Variants in UPF3B observed in about 807,000 individuals in gnomAD.
The protein encoded by UPF3B is regulator of nonsense transcripts 3B.
A neutral mutation model predicts 40.3 loss-of-function variants in UPF3B; 7 were observed. That is an observed-to-expected ratio of 0.17 (90% CI 0.10 to 0.33). The LOEUF is 0.33. Ranked by LOEUF, UPF3B falls within the 10% of genes least tolerant of loss-of-function variation. The probability of loss-of-function intolerance (pLI) is 1.00; values close to 1 mark genes in which losing one functional copy is unlikely to be tolerated. For missense variants in UPF3B, 229 were observed against 358.9 expected, an observed-to-expected ratio of 0.64 and a Z score of 2.93; for synonymous variants, 117 against 117.3, an observed-to-expected ratio of 1.00 and a Z score of 0.01.
At chrX:119,837,285 A>G (rs1416127856) in intron 10 of UPF3B, among the ~76,000 whole-genome samples, 2 of 109,103 alleles carry the variant, frequency 1.8e-5, no homozygotes, top group African/African-American at 6.7e-5. Flanking sequence ...TATGTTTACA[A>G]TTTCTATAGT....
intron 5 of UPF3B, among the ~76,000 whole-genome samples, chrX:119,808,069 G>A (rs1037548471): frequency 9.8e-5 from 11 of 112,048 alleles, no homozygotes; most frequent in Admixed American, 3.8e-4. Context: ...GCTAGGAGAC[G>A]GGGTTTCGCC....
chrX:119,819,603 C>T (rs2055893973), intron 4 of UPF3B, among the ~76,000 whole-genome samples: 1 of 111,196 alleles, frequency 9.0e-6, no homozygotes, highest in South Asian at 3.8e-4. Flanking sequence ...CATTTCTCTT[C>T]AGTTAATAAT....
intron 4 of UPF3B, chrX:119,822,799 G>C (rs1270833715): frequency 6.0e-6 from 1 of 167,731 alleles, no homozygotes; most frequent in Non-Finnish European, 9.9e-6. Context: ...GTAGAGACTG[G>C]GTTTCACCAT....
intron 5 of UPF3B, 103 bp from the exon 6 acceptor site, chrX:119,841,881 C>T (rs1200244318): frequency 1.6e-6 from 1 of 617,861 alleles, no homozygotes; most frequent in African/African-American, 2.2e-5. Flanking sequence ...AAAACATGTA[C>T]ACCCCTTATG....
At chrX:119,837,615 CAAAAAAAA>C (rs34350340) in intron 10 of UPF3B, 134 bp downstream of exon 10, 1 of 402,256 alleles carries the variant, frequency 2.5e-6, no homozygotes, top group African/African-American at 4.1e-5. Context: ...GACTCTGTCT[CAAAAAAAA>C]AAAAAAAAAA....
chrX:119,831,319 CTTTT>C (rs1171859009), downstream of UPF3B, among the ~76,000 whole-genome samples: 2 of 106,577 alleles, frequency 1.9e-5, no homozygotes, highest in African/African-American at 3.6e-5. Context: ...TCTCCTCCTC[CTTTT>C]TTTGTTTTTT....
intron 3 of UPF3B, among the ~76,000 whole-genome samples, chrX:119,826,728 CTT>C (rs2055982270): frequency 8.9e-6 from 1 of 111,993 alleles, no homozygotes; most frequent in South Asian, 3.7e-4. Context: ...ACAGCAATGA[CTT>C]TTGCTCCAAC....
intron 5 of UPF3B, among the ~76,000 whole-genome samples, chrX:119,813,959 T>C (rs987957736): frequency 1.8e-5 from 2 of 111,859 alleles, no homozygotes; most frequent in African/African-American, 6.5e-5. Flanking sequence ...CTGATCGTTC[T>C]CTGGTGGACA....
intron 8 of UPF3B, 30 bp from the exon 9 acceptor site, chrX:119,838,557 T>G (rs2056127927): frequency 8.4e-7 from 1 of 1,193,425 alleles, no homozygotes; most frequent in African/African-American, 1.7e-5. Flanking sequence ...ATTTTTATTT[T>G]GAAGGCTGGG....
Position 119,837,788 on chromosome X carries a change from T to A in UPF3B, c.1271A>T (p.Glu424Val), listed in dbSNP as rs1488633351. Residue 424 changes from glutamate (E) to valine (V), a missense_variant, in exon 10 of 11, where the codon GAA becomes GTA. By Grantham distance (121) the Glu-to-Val change is moderately radical. Coordinates refer to ENST00000276201, the MANE Select transcript of UPF3B (RefSeq NM_080632.3). ...TCTTATTCGATCTCTCTTGACCACT[T>A]CTTCTTTCTTTTCAGTTTTTTCTGA... ...GSSEKTEKKE[E>V]VVKRDRIRNK... 1 of 1,208,694 alleles carries A rather than the reference T, an allele frequency of 8.3e-7. No individual in the cohort carries two copies. The highest frequency in any genetic ancestry group is 1.8e-5 in the African/African-American group (1 of 57,043).
chrX:119,838,015 C>G lies in UPF3B; in HGVS notation c.1044G>C (p.Arg348Ser). Residue 348 changes from arginine (R) to serine (S), a missense_variant, in exon 10 of 11, where the codon AGG becomes AGC. By Grantham distance (110) the Arg-to-Ser change is moderately radical. Around this residue, in one of 3 missense-constraint regions of UPF3B, gnomAD observed 119 missense variants for 153.8 expected, o/e 0.77. Transcript: ENST00000276201. ...CCTGATCTCGTTCATATTCCCGTTC[C>G]CTCTCCCTATAGTCTCTGCCGCTCT... ...EDESGRDYRE[R>S]EREYERDQER... 2 of 1,210,989 alleles carry G rather than the reference C, an allele frequency of 1.7e-6. No individual in the cohort carries two copies. The highest frequency in any genetic ancestry group is 2.2e-6 in the Non-Finnish European group (2 of 895,491).
intron 4 of UPF3B, among the ~76,000 whole-genome samples, chrX:119,843,807 A>G (rs749030204): frequency 1.8e-5 from 2 of 112,328 alleles, no homozygotes; most frequent in East Asian, 5.5e-4. Flanking sequence ...CCAGTATCAC[A>G]GCTATGTGTT....
At chrX:119,823,311 G>A (rs1216410401) in intron 3 of UPF3B, among the ~76,000 whole-genome samples, 1 of 111,340 alleles carries the variant, frequency 9.0e-6, no homozygotes, top group Non-Finnish European at 1.9e-5. Flanking sequence ...TGCAGTGCAA[G>A]TGGCATGATC....
chrX:119,821,212 C>T (rs1449200186), intron 4 of UPF3B, among the ~76,000 whole-genome samples: 3 of 111,870 alleles, frequency 2.7e-5, no homozygotes, highest in East Asian at 2.8e-4. Context: ...CTTCACTTTC[C>T]GCCATGAGTA....
At chrX:119,850,749 T>TTCGATTTTGAGACAGAGTC (rs1463422968) in intron 3 of UPF3B, among the ~76,000 whole-genome samples, 1 of 111,589 alleles carries the variant, frequency 9.0e-6, no homozygotes, top group Non-Finnish European at 1.9e-5. Flanking sequence ...GTTTCTTTTT[T>TTCGATTTTGAGACAGAGTC]TCGATTTTGA....
intron 10 of UPF3B, among the ~76,000 whole-genome samples, chrX:119,835,376 T>C (rs761714573): frequency 9.0e-6 from 1 of 111,452 alleles, no homozygotes; most frequent in East Asian, 2.8e-4. Flanking sequence ...ACTGGGATTA[T>C]AGGCACGCAC....
chrX:119,848,405 G>A (rs1264392433), intron 3 of UPF3B, among the ~76,000 whole-genome samples: 1 of 110,565 alleles, frequency 9.0e-6, no homozygotes, highest in Admixed American at 9.7e-5. Flanking sequence ...ACCTATATGT[G>A]GTACCTACAG....
intron 4 of UPF3B, among the ~76,000 whole-genome samples, chrX:119,821,511 C>T (rs928728295): frequency 7.1e-5 from 8 of 112,513 alleles, no homozygotes; most frequent in Admixed American, 4.7e-4. Context: ...TCAAAACTCA[C>T]AGCTGGCTGG....
intron 4 of UPF3B, among the ~76,000 whole-genome samples, chrX:119,821,345 T>C (rs948413120): frequency 8.9e-6 from 1 of 112,829 alleles, no homozygotes; most frequent in African/African-American, 3.2e-5. Context: ...CATTTATTTA[T>C]AGCAATGCAA....
Sources: allele counts gnomAD v4.1 joint callset (sites outside exome capture counted in the v4.1 genomes callset), GRCh38; gene constraint gnomAD v4.1.1; regional missense constraint gnomAD v4.1.1; transcripts MANE v1.5; gene names NCBI Gene and HGNC (gene_info 2026-07-23, HGNC 2026-07-21).